TMEM87A: variants seen among roughly 807,000 people sequenced by gnomAD.
The protein encoded by TMEM87A is transmembrane protein 87A, also known as Golgi-pH regulating cation channel.
TMEM87A carries 50 observed loss-of-function variants against 90.0 expected under a neutral mutation model. The ratio of observed to expected loss-of-function variants is 0.56; its 90% CI spans 0.44 to 0.70. The LOEUF (loss-of-function observed/expected upper bound fraction) is 0.70, where lower values mean the gene tolerates loss of function less well. Ranked by LOEUF, TMEM87A falls within the 30% of genes least tolerant of loss-of-function variation. The probability of loss-of-function intolerance (pLI) is 0.00; values close to 1 mark genes in which losing one functional copy is unlikely to be tolerated. For missense variants in TMEM87A, 577 were observed against 660.5 expected (o/e 0.87, Z 1.39); for synonymous variants, 226 against 226.7 (o/e 1.00, Z 0.03).
At chr15:42,231,556 T>C (rs1429995862) in intron 11 of TMEM87A, among the ~76,000 whole-genome samples, 6 of 152,148 alleles carry the variant, frequency 3.9e-5, no homozygotes, top group African/African-American at 1.4e-4. Flanking sequence ...TCCAAAAAAG[T>C]TCTAATGTTT....
At chr15:42,271,930 G>A in intron 2 of TMEM87A, 133 bp downstream of exon 2, 1 of 714,302 alleles carries the variant, frequency 1.4e-6, no homozygotes, top group East Asian at 2.9e-5. Context: ...AAGGACCTTA[G>A]TAATACTAAA....
chr15:42,243,512 ATTTTTTT>A (rs375255055), intron 7 of TMEM87A, among the ~76,000 whole-genome samples: 82 of 129,556 alleles, frequency 6.3e-4, no homozygotes, highest in Non-Finnish European at 7.7e-4. Flanking sequence ...ATGTTAATTA[ATTTTTTT>A]TTTTTTTTTT....
intron 5 of TMEM87A, 28 bp from the exon 6 acceptor site, chr15:42,261,030 T>C: frequency 6.3e-7 from 1 of 1,586,194 alleles, no homozygotes; most frequent in South Asian, 1.2e-5. Flanking sequence ...ATAATAATAA[T>C]TAATTCAGAA....
In TMEM87A at chr15:42,260,950, A is replaced by G; in HGVS notation, c.504+8T>C. The G allele has an allele frequency of 1.9e-6, 3 of 1,606,918 alleles. No individual in the cohort carries two copies. In the South Asian group the frequency reaches 3.4e-5, roughly 18 times the overall value. On this transcript the variant is annotated splice_region_variant and intron_variant, in intron 6 of 19. Transcript: ENST00000389834. ...TGTTCAATGCCCCAAATCCCCAAAT[A>G]TACTTACGGTTTTGTCTCCAATAAA...
intron 4 of TMEM87A, among the ~76,000 whole-genome samples, chr15:42,263,155 C>A (rs1442335498): frequency 6.6e-6 from 1 of 152,038 alleles, no homozygotes; most frequent in Non-Finnish European, 1.5e-5. Context: ...TTTTAAATGT[C>A]CATCAACAGA....
At chr15:42,273,153 C>T in intron 1 of TMEM87A, 102 bp downstream of exon 1, 1 of 1,447,414 alleles carries the variant, frequency 6.9e-7, no homozygotes, top group Non-Finnish European at 9.5e-7. Flanking sequence ...CAACCCCACC[C>T]CTTTTGAAGA....
chr15:42,231,696 T>C (rs2050688531), intron 11 of TMEM87A: 4 of 185,356 alleles, frequency 2.2e-5, no homozygotes, highest in Non-Finnish European at 3.2e-5. Context: ...AAAATTATAA[T>C]ATTTTACAAA....
chr15:42,228,047 T>C (rs766524228), intron 13 of TMEM87A, among the ~76,000 whole-genome samples: 22 of 152,220 alleles, frequency 1.4e-4, no homozygotes, highest in Admixed American at 8.5e-4. Context: ...ACCAGTGTGG[T>C]TGGAAAATAA....
intron 10 of TMEM87A, among the ~76,000 whole-genome samples, chr15:42,233,610 C>T (rs2050723043): frequency 6.6e-6 from 1 of 152,180 alleles, no homozygotes; most frequent in Non-Finnish European, 1.5e-5. Context: ...CCAACAACCA[C>T]TAACCTATGG....
rs565283700 is a variant in TMEM87A at position 42,228,539 on chromosome 15, G to A, written c.1240+173C>T. 7.9e-5 allele frequency among the ~76,000 whole-genome samples: 12 copies of A among 152,246 alleles called. No individual in the cohort carries two copies. In the East Asian group the frequency reaches 1.9e-3, roughly 24 times the overall value. On this transcript the variant is annotated intron_variant, in intron 13 of 19. Coordinates refer to ENST00000389834, the MANE Select transcript of TMEM87A (RefSeq NM_015497.5). Reference sequence around the variant, plus strand: ...TCCAGCTACTGTACATAAAATAAATGGTTCTCAACTTTTTAAAAACCACAG... The same window carrying A: ...TCCAGCTACTGTACATAAAATAAATAGTTCTCAACTTTTTAAAAACCACAG...
intron 6 of TMEM87A, 104 bp from the exon 7 acceptor site, chr15:42,244,271 G>A: frequency 1.4e-6 from 1 of 710,066 alleles, no homozygotes. Context: ...CAGAAATATG[G>A]TAAAGTCCTT....
intron 6 of TMEM87A, among the ~76,000 whole-genome samples, chr15:42,246,129 T>C (rs1020532510): frequency 9.2e-5 from 14 of 152,318 alleles, no homozygotes; most frequent in African/African-American, 3.1e-4. Flanking sequence ...TTACGGACAT[T>C]TCATATAAAT....
intron 10 of TMEM87A, 70 bp downstream of exon 10, chr15:42,236,250 G>A (rs1471211292): frequency 8.0e-7 from 1 of 1,248,680 alleles, no homozygotes; most frequent in Non-Finnish European, 1.2e-6. Flanking sequence ...ACTACATTGG[G>A]AACATGCAAT....
chr15:42,262,973 T>C (rs1025861137), intron 4 of TMEM87A, among the ~76,000 whole-genome samples: 3 of 152,138 alleles, frequency 2.0e-5, no homozygotes, highest in Admixed American at 1.3e-4. Flanking sequence ...GCACGAAAAA[T>C]GTATGATTAT....
intron 6 of TMEM87A, among the ~76,000 whole-genome samples, chr15:42,247,230 A>G (rs962485601): frequency 6.6e-6 from 1 of 152,128 alleles, no homozygotes; most frequent in Admixed American, 6.5e-5. Flanking sequence ...ATTTTCTCCT[A>G]TTCTGCAGGT....
chr15:42,255,116 C>A (rs1238049974), intron 6 of TMEM87A, among the ~76,000 whole-genome samples: 1 of 151,810 alleles, frequency 6.6e-6, no homozygotes, highest in Non-Finnish European at 1.5e-5. Context: ...GCATGCACAA[C>A]CATGCTGGGT....
chr15:42,272,729 C>T, intron 1 of TMEM87A: 1 of 329,830 alleles, frequency 3.0e-6, no homozygotes, highest in South Asian at 2.4e-5. Context: ...CATGTTAAAA[C>T]ACATTTCTTA....
rs1251293421 is a variant in TMEM87A, at chr15:42,211,182, T to G, written c.*526A>C. The G allele has an allele frequency of 6.6e-6, 1 of 152,440 alleles. No individual in the cohort carries two copies. The highest frequency in any genetic ancestry group is 2.4e-5 in the African/African-American group (1 of 41,342). 9.4% of individuals were successfully genotyped at this position (152,440 alleles called of 1,614,324 possible). On this transcript the variant is annotated 3_prime_UTR_variant, in exon 20 of 20. Transcript: ENST00000389834. Reference sequence around the variant, plus strand: ...GATCATTGATAGAACTATGGCTCCTTAACTCAGAAGGGCCCTTTTTTCTCA... The same window carrying G: ...GATCATTGATAGAACTATGGCTCCTGAACTCAGAAGGGCCCTTTTTTCTCA...
chr15:42,238,833 A>G (rs1360979288), intron 8 of TMEM87A, among the ~76,000 whole-genome samples: 1 of 151,714 alleles, frequency 6.6e-6, no homozygotes, highest in Non-Finnish European at 1.5e-5. Context: ...TGAAGAAGAA[A>G]AATGGCATGA....
Sources: allele counts gnomAD v4.1 joint callset (sites outside exome capture counted in the v4.1 genomes callset), GRCh38; gene constraint gnomAD v4.1.1; transcripts MANE v1.5; gene names NCBI Gene and HGNC (gene_info 2026-07-23, HGNC 2026-07-21).